Variants in GARIN1A observed in about 807,000 individuals in gnomAD.
GARIN1A encodes the protein Golgi-associated RAB2 interactor protein 1A.
the GARIN1A span, chr7:128,679,998 C>T: frequency 7.2e-7 from 1 of 1,391,426 alleles, no homozygotes. Flanking sequence ...TCTGAGCAGA[C>T]CTAGCCATCT....
the GARIN1A span, chr7:128,672,602 C>A: frequency 2.4e-5 from 30 of 1,228,624 alleles, 1 homozygote; most frequent in South Asian, 4.0e-4. Context: ...AAAACCTGTT[C>A]CTAGGGGTTG....
the GARIN1A span, chr7:128,683,444 C>A: frequency 3.9e-5 from 7 of 179,832 alleles, no homozygotes; most frequent in African/African-American, 1.8e-4. Flanking sequence ...CTACCTGAGA[C>A]TGGGTAATTT....
chr7:128,689,110 T>G, the GARIN1A span, among the ~76,000 whole-genome samples: 2 of 152,048 alleles, frequency 1.3e-5, no homozygotes, highest in Admixed American at 6.5e-5. Flanking sequence ...GTGCTCAATG[T>G]TGCCCAGGCT....
the GARIN1A span, among the ~76,000 whole-genome samples, chr7:128,671,968 G>T: frequency 0.45 from 68,085 of 151,458 alleles, 15,256 homozygotes; most frequent in East Asian, 0.56. Context: ...GGGGCTTCAA[G>T]GGGAGCCAAG....
chr7:128,699,176 A>T, the GARIN1A span, among the ~76,000 whole-genome samples: 2 of 151,886 alleles, frequency 1.3e-5, no homozygotes, highest in Non-Finnish European at 2.9e-5. Flanking sequence ...AAAATTTTAA[A>T]TATGTATTAC....
the GARIN1A span, among the ~76,000 whole-genome samples, chr7:128,688,299 C>G: frequency 0.031 from 4,749 of 152,236 alleles, 107 homozygotes; most frequent in Middle Eastern, 0.058. Flanking sequence ...CGTGAGCCAC[C>G]GCGCCTGGCC....
At chr7:128,672,188 T>G in the GARIN1A span, 1 of 497,028 alleles carries the variant, frequency 2.0e-6, no homozygotes, top group East Asian at 3.3e-5. Flanking sequence ...CTTCTTTTTT[T>G]TTTCCCTTTT....
the GARIN1A span, among the ~76,000 whole-genome samples, chr7:128,677,078 T>C: frequency 2.0e-5 from 3 of 151,756 alleles, no homozygotes; most frequent in Non-Finnish European, 4.4e-5. Context: ...GTCCTGGAAA[T>C]TGGAGAAGAG....
the GARIN1A span, among the ~76,000 whole-genome samples, chr7:128,707,844 A>G: frequency 6.6e-6 from 1 of 152,090 alleles, no homozygotes; most frequent in Non-Finnish European, 1.5e-5. Context: ...GCTCTTGCCT[A>G]TGGCAGGATT....
At chr7:128,691,338 G>A in the GARIN1A span, 3 of 152,388 alleles carry the variant, frequency 2.0e-5, no homozygotes, top group East Asian at 1.9e-4. Flanking sequence ...GGAAACCCAG[G>A]CAGGAGATCA....
chr7:128,677,290 G>A, the GARIN1A span, among the ~76,000 whole-genome samples: 3 of 151,554 alleles, frequency 2.0e-5, no homozygotes, highest in East Asian at 2.0e-4. Context: ...GGCGGATCAC[G>A]AGGTCAGGAG....
the GARIN1A span, among the ~76,000 whole-genome samples, chr7:128,708,749 G>A: frequency 3.5e-3 from 526 of 152,190 alleles, 4 homozygotes; most frequent in African/African-American, 0.012. Context: ...TCTTTGTTAG[G>A]TTATCAATAG....
At chr7:128,678,213 G>T in the GARIN1A span, 244 of 158,452 alleles carry the variant, frequency 1.5e-3, 3 homozygotes, top group Admixed American at 0.014. Flanking sequence ...TAGAGATGGG[G>T]TTTCACCATG....
the GARIN1A span, chr7:128,677,706 T>G: frequency 6.2e-7 from 1 of 1,613,792 alleles, no homozygotes; most frequent in South Asian, 1.1e-5. Flanking sequence ...CTGGGTCCGC[T>G]TGGTGAAAAT....
At chr7:128,678,009 ATGTT>A in the GARIN1A span, 1 of 279,410 alleles carries the variant, frequency 3.6e-6, no homozygotes, top group South Asian at 5.7e-5. Flanking sequence ...ACATTTAGAA[ATGTT>A]TCTTTTTTTT....
chr7:128,684,905 CCTTT>C, the GARIN1A span: 3 of 137,586 alleles, frequency 2.2e-5, no homozygotes, highest in Non-Finnish European at 4.8e-5. Flanking sequence ...TACCATGACT[CCTTT>C]TTTTTTTTTT....
At chr7:128,677,767 C>G in the GARIN1A span, 8 of 1,613,896 alleles carry the variant, frequency 5.0e-6, no homozygotes, top group Non-Finnish European at 6.8e-6. Flanking sequence ...ATCAAATTCA[C>G]TCACTGCCTG....
the GARIN1A span, among the ~76,000 whole-genome samples, chr7:128,676,017 ATCT>A: frequency 2.5e-5 from 3 of 121,054 alleles, no homozygotes; most frequent in Non-Finnish European, 5.0e-5. Context: ...TTTATTTAGT[ATCT>A]TTTTTTTTTT....
the GARIN1A span, chr7:128,672,604 TA>T: frequency 8.3e-7 from 1 of 1,197,846 alleles, no homozygotes; most frequent in Non-Finnish European, 1.1e-6. Context: ...AACCTGTTCC[TA>T]GGGGTTGGTT....
Sources: gnomAD v4.1 joint callset for allele counts (sites outside exome capture counted in the v4.1 genomes callset) on GRCh38, gnomAD v4.1.1 for gene constraint, MANE v1.5 for transcripts, NCBI Gene and HGNC (gene_info 2026-07-23, HGNC 2026-07-21) for gene names.